DBT: variants seen among roughly 807,000 people sequenced by gnomAD.
DBT encodes dihydrolipoamide branched chain transacylase E2.
In DBT, 40 loss-of-function variants were observed where a neutral mutation model predicts 51.3. The observed-to-expected ratio is 0.78, with a 90% CI of 0.61 to 1.02. The LOEUF (loss-of-function observed/expected upper bound fraction) is 1.02, where lower values mean the gene tolerates loss of function less well. DBT is among the 50% of genes least tolerant of loss of function. The pLI, the probability that DBT is intolerant of heterozygous loss-of-function variation, is 0.00. For missense variants in DBT, 510 were observed against 580.2 expected (o/e 0.88, Z 1.24); for synonymous variants, 181 against 190.4 (o/e 0.95, Z 0.41).
chr1:100,243,819 A>C (rs185766376), intron 1 of DBT, among the ~76,000 whole-genome samples: 21 of 152,268 alleles, frequency 1.4e-4, no homozygotes, highest in African/African-American at 4.8e-4. Context: ...CTAATTTCAA[A>C]GAGTTTACAA....
chr1:100,213,891 T>G (rs1662321257), intron 7 of DBT, among the ~76,000 whole-genome samples: 1 of 151,364 alleles, frequency 6.6e-6, no homozygotes, highest in South Asian at 2.1e-4. Flanking sequence ...TTTTATTTTT[T>G]GCAGTCTTCA....
At chr1:100,225,826 C>CA (rs71084809) in intron 4 of DBT, among the ~76,000 whole-genome samples, 6,035 of 86,876 alleles carry the variant, frequency 0.069, 368 homozygotes, top group African/African-American at 0.15. Context: ...CTCCATCTCA[C>CA]AAAAAAAAAA....
chr1:100,200,538 C>A (rs1477763892), intron 10 of DBT, among the ~76,000 whole-genome samples: 2 of 152,230 alleles, frequency 1.3e-5, no homozygotes, highest in African/African-American at 2.4e-5. Flanking sequence ...GATCTCCCAG[C>A]ATAGCGCTTG....
intron 1 of DBT, among the ~76,000 whole-genome samples, chr1:100,245,796 A>C (rs1368595482): frequency 1.3e-5 from 2 of 151,978 alleles, no homozygotes; most frequent in Non-Finnish European, 2.9e-5. Context: ...ACTAAAAATC[A>C]AAATAATTAG....
chr1:100,190,047 T>C lies in DBT; in HGVS notation c.*6208A>G, dbSNP rs1325922078. On this transcript the variant is annotated 3_prime_UTR_variant, in exon 11 of 11. Transcript: ENST00000370132. Reference sequence around the variant, plus strand: ...AAATTTAAATTTAAATAGCTACATGTGGCTAGAGGCTACTGCATTAGACAG... The same window carrying C: ...AAATTTAAATTTAAATAGCTACATGCGGCTAGAGGCTACTGCATTAGACAG... 6.6e-6 allele frequency: 1 copy of C among 152,264 alleles called. No homozygotes were observed. The highest frequency in any genetic ancestry group is 1.5e-5 in the Non-Finnish European group (1 of 68,052). The allele number at this position is 152,264 out of a possible 1,614,324, so 9.4% of individuals were successfully genotyped here.
At chr1:100,213,092 T>TA (rs1419100460) in intron 7 of DBT, among the ~76,000 whole-genome samples, 1 of 152,238 alleles carries the variant, frequency 6.6e-6, no homozygotes, top group Non-Finnish European at 1.5e-5. Flanking sequence ...CTGTTAGCTG[T>TA]AAGTCCTTAA....
chr1:100,188,029 C>A lies in DBT; in HGVS notation c.*8226G>T, dbSNP rs560160662. The A allele has an allele frequency of 4.6e-5, 7 of 152,266 alleles. No individual in the cohort carries two copies. In the East Asian group the frequency reaches 9.6e-4, roughly 21 times the overall value. The allele number at this position is 152,266 out of a possible 1,614,324, so 9.4% of individuals were successfully genotyped here. A position where few individuals can be genotyped will look rare whatever the true frequency, so the allele number is the denominator to read the frequency against. ...CAGTGGTGGTTTTTAAAAATGATTT[C>A]TTCACTGTGGCAAGTTTGTCCTCCT... On this transcript the variant is annotated 3_prime_UTR_variant, in exon 11 of 11. Coordinates refer to ENST00000370132, the MANE Select transcript of DBT (RefSeq NM_001918.5).
intron 4 of DBT, among the ~76,000 whole-genome samples, chr1:100,226,866 G>T (rs969471443): frequency 4.6e-5 from 7 of 152,304 alleles, no homozygotes; most frequent in South Asian, 2.1e-4. Flanking sequence ...GCATTGAGAA[G>T]AATAATGATT....
At chr1:100,216,450 A>C (rs1222275064) in intron 5 of DBT, among the ~76,000 whole-genome samples, 2 of 152,148 alleles carry the variant, frequency 1.3e-5, no homozygotes, top group African/African-American at 4.8e-5. Context: ...CTTTTTAAAA[A>C]AATTTTTTGT....
At position 100,206,260 on chromosome 1, in the gene DBT, T is replaced by G; in HGVS notation, c.1251A>C (p.Glu417Asp). ...TFAKPVIMPP[E>D]VAIGALGSIK... is the part of the protein sequence containing the mutation. The stretch of plus-strand genomic sequence containing the variant: ...TTGATCCAAGGGCCCCAATGGCTAC[T>G]TCAGGTGGCATTATCACTGGTTTGG... The change falls in exon 10 of 11, where the codon GAA becomes GAC. Residue 417 changes from glutamate to aspartate, a missense_variant. Physicochemically the swap from Glu to Asp is conservative, Grantham distance 45. Transcript: ENST00000370132. 6.2e-7 allele frequency: 1 copy of G among 1,613,348 alleles called. No homozygotes were observed. Among genetic ancestry groups the G allele is most frequent in the Non-Finnish European group, 8.5e-7 (1 of 1,179,556 alleles).
Position 100,206,451 on chromosome 1 carries a change from A to G in DBT, c.1203T>C (p.Ile401=). 1 of 1,611,974 alleles carries G rather than the reference A, an allele frequency of 6.2e-7. No homozygotes were observed. ...LTGGTFTLSN[I]GSIGGTFAKP... The stretch of plus-strand genomic sequence containing the variant: ...TTTCAACATTATTACTCACTGATCC[A>G]ATGTTGGAAAGAGTAAATGTTCCTC... Residue 401 remains isoleucine, a synonymous_variant, in exon 9 of 11, where the codon ATT becomes ATC. Transcript: ENST00000370132.
chr1:100,233,674 C>T (rs564513834), intron 3 of DBT, among the ~76,000 whole-genome samples: 15 of 152,272 alleles, frequency 9.9e-5, no homozygotes, highest in African/African-American at 1.2e-4. Flanking sequence ...CAAGAGTACA[C>T]GGAACAAAGG....
Position 100,214,906 on chromosome 1 carries a change from G to A in DBT, c.850C>T (p.Leu284Phe). The A allele has an allele frequency of 6.2e-7, 1 of 1,613,546 alleles. No individual in the cohort carries two copies. Among genetic ancestry groups the A allele is most frequent in the South Asian group, 1.1e-5 (1 of 91,070 alleles). The change falls in exon 7 of 11, where the codon CTT becomes TTT. Residue 284 changes from leucine (L) to phenylalanine (F), a missense_variant. By Grantham distance (22) the Leu-to-Phe change is conservative (BLOSUM62 0). Coordinates refer to ENST00000370132, the MANE Select transcript of DBT (RefSeq NM_001918.5). Reference protein sequence around the residue: ...PHFGYCDEIDLTELVKLREEL... With the variant: ...PHFGYCDEIDFTELVKLREEL... ...TCTCGGAGCTTAACCAGTTCAGTAA[G>A]GTCAATCTCATCACAATAACCAAAA...
intron 4 of DBT, among the ~76,000 whole-genome samples, chr1:100,229,740 C>A (rs1288409427): frequency 6.6e-6 from 1 of 152,162 alleles, no homozygotes; most frequent in Admixed American, 6.5e-5. Context: ...ATTGCTCTTG[C>A]AGCCCCTAGT....
chr1:100,213,519 G>A (rs1662287399), intron 7 of DBT: 1 of 1,549,292 alleles, frequency 6.5e-7, no homozygotes, highest in Non-Finnish European at 8.9e-7. Flanking sequence ...GTGGTCGTGG[G>A]AGGCTGTCCC....
Position 100,190,021 on chromosome 1 carries a change from AAAATTT to A in DBT, c.*6228_*6233del, listed in dbSNP as rs1327855242. On this transcript the variant is annotated 3_prime_UTR_variant, in exon 11 of 11. Coordinates refer to ENST00000370132, the MANE Select transcript of DBT (RefSeq NM_001918.5). ...AGTTGAATTTTGATTAATTAAAATT[AAAATTT>A]AAATTTAAATAGCTACATGTGGCTA... 3 of 152,212 alleles carry A rather than the reference AAAATTT, an allele frequency of 2.0e-5. No individual in the cohort carries two copies. Among genetic ancestry groups the A allele is most frequent in the Admixed American group, 6.5e-5 (1 of 15,284 alleles). 9.4% of individuals were successfully genotyped at this position (152,212 alleles called of 1,614,324 possible). A position where few individuals can be genotyped will look rare whatever the true frequency, so the allele number is the denominator to read the frequency against.
intron 7 of DBT, among the ~76,000 whole-genome samples, chr1:100,212,032 A>C (rs1313835321): frequency 1.3e-5 from 2 of 152,178 alleles, no homozygotes; most frequent in African/African-American, 4.8e-5. Context: ...TTGGCCTCCT[A>C]AAGTGTTGGG....
At chr1:100,213,599 C>A in intron 7 of DBT, 2 of 1,597,608 alleles carry the variant, frequency 1.3e-6, no homozygotes, top group African/African-American at 1.3e-5. Flanking sequence ...CATCCTGTTC[C>A]CCTTTGGGTT....
At chr1:100,231,969 C>T (rs1040841353) in intron 3 of DBT, among the ~76,000 whole-genome samples, 4 of 152,260 alleles carry the variant, frequency 2.6e-5, no homozygotes, top group African/African-American at 2.4e-5. Flanking sequence ...GCAAAATCCC[C>T]GGAGAAACTG....
Sources: allele counts gnomAD v4.1 joint callset (sites outside exome capture counted in the v4.1 genomes callset), GRCh38; gene constraint gnomAD v4.1.1; transcripts MANE v1.5; gene names NCBI Gene and HGNC (gene_info 2026-07-23, HGNC 2026-07-21).